FGD4: variants seen among roughly 807,000 people sequenced by gnomAD.
FGD4 encodes FYVE, RhoGEF and PH domain-containing protein 4.
A neutral mutation model predicts 102.0 loss-of-function variants in FGD4; 42 were observed. That is an observed-to-expected ratio of 0.41 (90% confidence interval 0.32 to 0.53). The LOEUF (loss-of-function observed/expected upper bound fraction) is 0.53. Ranked by LOEUF, FGD4 falls within the 20% of genes least tolerant of loss-of-function variation. The pLI, the probability that FGD4 is intolerant of heterozygous loss-of-function variation, is 0.21. For synonymous variants in FGD4, 380 were observed against 375.7 expected, an observed-to-expected ratio of 1.01 and a Z score of -0.13; for missense variants, 902 against 1,078.2, an observed-to-expected ratio of 0.84 and a Z score of 2.29.
At chr12:32,492,167 G>A (rs1433163600) in intron 1 of FGD4, among the ~76,000 whole-genome samples, 1 of 152,206 alleles carries the variant, frequency 6.6e-6, no homozygotes, top group Non-Finnish European at 1.5e-5. Flanking sequence ...GCCTTCTTGG[G>A]CAGAGTGTTT....
At chr12:32,433,722 C>T (rs1475945761) in intron 1 of FGD4, among the ~76,000 whole-genome samples, 6 of 152,230 alleles carry the variant, frequency 3.9e-5, no homozygotes, top group South Asian at 2.1e-4. Flanking sequence ...TGAAGTTAGC[C>T]ATATCACTGT....
At chr12:32,525,345 C>T (rs1043193437) in intron 1 of FGD4, among the ~76,000 whole-genome samples, 1 of 152,202 alleles carries the variant, frequency 6.6e-6, no homozygotes, top group Non-Finnish European at 1.5e-5. Flanking sequence ...CCACATATGG[C>T]TATGTGTCCA....
chr12:32,616,046 A>T (rs1949432233), intron 10 of FGD4, among the ~76,000 whole-genome samples: 1 of 152,134 alleles, frequency 6.6e-6, no homozygotes, highest in Non-Finnish European at 1.5e-5. Flanking sequence ...AATACTTAAT[A>T]AAAAGACGTG....
chr12:32,486,135 T>C, intron 1 of FGD4: 1 of 1,529,406 alleles, frequency 6.5e-7, no homozygotes, highest in Non-Finnish European at 8.7e-7. Flanking sequence ...GAATCTTTTA[T>C]GGGGGGCTGT....
At chr12:32,431,165 GA>G (rs1457706110) in intron 1 of FGD4, among the ~76,000 whole-genome samples, 1 of 152,214 alleles carries the variant, frequency 6.6e-6, no homozygotes, top group Non-Finnish European at 1.5e-5. Flanking sequence ...CACTTGTAGA[GA>G]GCAGCTGTCA....
chr12:32,562,960 G>A (rs1477373744), intron 1 of FGD4, among the ~76,000 whole-genome samples: 1 of 152,182 alleles, frequency 6.6e-6, no homozygotes, highest in Non-Finnish European at 1.5e-5. Flanking sequence ...TGGCCGGGCA[G>A]AGGGGCTTCT....
intron 1 of FGD4, among the ~76,000 whole-genome samples, chr12:32,465,320 C>T (rs1397138777): frequency 6.6e-6 from 1 of 151,796 alleles, no homozygotes; most frequent in Non-Finnish European, 1.5e-5. Flanking sequence ...ATTGCCATAG[C>T]CCCCCCAGCC....
At chr12:32,534,232 T>C (rs945934208) in intron 1 of FGD4, 1 of 1,125,964 alleles carries the variant, frequency 8.9e-7, no homozygotes, top group Non-Finnish European at 1.1e-6. Context: ...TCTCATGCAA[T>C]GTACTGCAGC....
At chr12:32,431,962 C>G (rs1942060241) in intron 1 of FGD4, among the ~76,000 whole-genome samples, 1 of 150,984 alleles carries the variant, frequency 6.6e-6, no homozygotes, top group South Asian at 2.1e-4. Flanking sequence ...TGAGCCTTTA[C>G]TTAAACGGAT....
At chr12:32,422,687 C>G (rs1941683441) in intron 1 of FGD4, among the ~76,000 whole-genome samples, 1 of 151,984 alleles carries the variant, frequency 6.6e-6, no homozygotes, top group Non-Finnish European at 1.5e-5. Context: ...AAATACTCTC[C>G]CAGACTATAT....
intron 10 of FGD4, among the ~76,000 whole-genome samples, chr12:32,615,758 G>A (rs1949414040): frequency 6.6e-6 from 1 of 152,080 alleles, no homozygotes; most frequent in African/African-American, 2.4e-5. Flanking sequence ...TGTGGTTTCT[G>A]CAGGAAGGAA....
At chr12:32,530,857 TG>T in intron 1 of FGD4, among the ~76,000 whole-genome samples, 1 of 151,698 alleles carries the variant, frequency 6.6e-6, no homozygotes, top group South Asian at 2.1e-4. Flanking sequence ...TCTCTACTGT[TG>T]ACAATGAGGA....
Position 32,495,522 on chromosome 12 carries a change from C to T in FGD4, c.167-68615C>T, listed in dbSNP as rs142203952. 9.1e-3 allele frequency among the ~76,000 whole-genome samples: 1,380 copies of T among 151,916 alleles called. 26 individuals carry two copies. The highest frequency in any genetic ancestry group is 0.032 in the African/African-American group (1,313 of 41,410). On this transcript the variant is annotated intron_variant, in intron 1 of 16. Transcript: ENST00000534526. ...CCATCCTGGCTAACACAGCGAAACC[C>T]GTCTCTACTAAAAAATACAGAAAAT...
At chr12:32,460,826 T>C (rs1251779746) in intron 1 of FGD4, among the ~76,000 whole-genome samples, 1 of 152,206 alleles carries the variant, frequency 6.6e-6, no homozygotes, top group Non-Finnish European at 1.5e-5. Flanking sequence ...AGACTGAGGC[T>C]CAGAAAAGTG....
chr12:32,417,454 G>GTTAT (rs1242652910), intron 1 of FGD4, among the ~76,000 whole-genome samples: 2 of 151,516 alleles, frequency 1.3e-5, no homozygotes, highest in Admixed American at 6.6e-5. Flanking sequence ...TCCATTATAT[G>GTTAT]TTATTTATTT....
At chr12:32,418,526 A>G (rs1317610522) in intron 1 of FGD4, among the ~76,000 whole-genome samples, 2 of 152,108 alleles carry the variant, frequency 1.3e-5, no homozygotes, top group Admixed American at 6.6e-5. Flanking sequence ...TACCAAGCAG[A>G]GACTCTTGTT....
chr12:32,576,269 C>T lies in FGD4; in HGVS notation c.323C>T (p.Pro108Leu). ...ATATTCTATTCTTTTTCTACAGTGCCTCCAAAGCCATTACACCTGCAGAAT... is the reference window on the plus strand; with the variant it reads ...ATATTCTATTCTTTTTCTACAGTGCTTCCAAAGCCATTACACCTGCAGAAT... ...HSAASPKPQV[P>L]PKPLHLQNSP... Residue 108 changes from proline to leucine, a missense_variant, in exon 3 of 17, where the codon CCT (proline) becomes CTT (leucine). Pro to Leu is a moderately conservative substitution (Grantham distance 98). Around this residue, in one of 2 missense-constraint regions of FGD4, gnomAD observed 443 missense variants for 459.2 expected, o/e 0.96. Transcript: ENST00000534526. 6.3e-7 allele frequency: 1 copy of T among 1,592,660 alleles called. No individual in the cohort carries two copies. The highest frequency in any genetic ancestry group is 8.6e-7 in the Non-Finnish European group (1 of 1,167,816).
intron 11 of FGD4, 144 bp downstream of exon 11, chr12:32,620,014 T>A: frequency 1.0e-6 from 1 of 987,494 alleles, no homozygotes; most frequent in East Asian, 2.6e-5. Context: ...GAGCTGTAGG[T>A]TCTTGAAAAG....
At chr12:32,524,434 TAGTATAAA>T (rs1398766602) in intron 1 of FGD4, among the ~76,000 whole-genome samples, 2 of 148,540 alleles carry the variant, frequency 1.3e-5, no homozygotes, top group African/African-American at 5.0e-5. Flanking sequence ...TACCTGGAAT[TAGTATAAA>T]AGCAAGATTT....
Sources: allele counts gnomAD v4.1 joint callset (sites outside exome capture counted in the v4.1 genomes callset), GRCh38; gene constraint gnomAD v4.1.1; regional missense constraint gnomAD v4.1.1; transcripts MANE v1.5; gene names NCBI Gene and HGNC (gene_info 2026-07-23, HGNC 2026-07-21).